MYOF: variants seen among roughly 807,000 people sequenced by gnomAD.
MYOF encodes the protein fer-1-like 3, myoferlin.
In MYOF, 244 loss-of-function variants were observed where a neutral mutation model predicts 284.2. The observed-to-expected ratio is 0.86, with a 90% CI of 0.77 to 0.95. MYOF has a LOEUF of 0.95. Among genes scored for constraint, MYOF ranks in the 40% least tolerant of loss-of-function variants. The pLI is 0.00. For synonymous variants in MYOF, 904 were observed against 919.7 expected, an observed-to-expected ratio of 0.98 and a Z score of 0.31; for missense variants, 2,496 against 2,560.6, an observed-to-expected ratio of 0.97 and a Z score of 0.54.
At chr10:93,363,055 G>A (rs1305498574) in intron 27 of MYOF, among the ~76,000 whole-genome samples, 5 of 152,122 alleles carry the variant, frequency 3.3e-5, no homozygotes, top group Non-Finnish European at 7.4e-5. Flanking sequence ...AGAAAGAGGG[G>A]ATTAAATGAA....
chr10:93,418,687 A>C (rs377020272), intron 5 of MYOF, among the ~76,000 whole-genome samples: 6 of 152,248 alleles, frequency 3.9e-5, no homozygotes, highest in African/African-American at 1.4e-4. Flanking sequence ...ATCTGCCTGC[A>C]TCAGGCTCTC....
chr10:93,310,715 T>G, intron 51 of MYOF, 72 bp from the exon 52 acceptor site: 1 of 1,362,696 alleles, frequency 7.3e-7, no homozygotes, highest in Non-Finnish European at 1.0e-6. Flanking sequence ...ACCCAAGGAG[T>G]ATTCCCCGAG....
intron 3 of MYOF, among the ~76,000 whole-genome samples, chr10:93,451,138 A>C (rs1470732193): frequency 1.3e-5 from 2 of 152,092 alleles, no homozygotes; most frequent in Admixed American, 1.3e-4. Flanking sequence ...TAAGGAGTTC[A>C]AGACCAGCCT....
At chr10:93,337,549 G>A (rs1442681388) in intron 40 of MYOF, 2 of 408,202 alleles carry the variant, frequency 4.9e-6, no homozygotes, top group African/African-American at 4.1e-5. Flanking sequence ...TTAGTGTGGT[G>A]CCAGCCCATT....
intron 17 of MYOF, among the ~76,000 whole-genome samples, chr10:93,391,288 C>T (rs1846663604): frequency 6.6e-6 from 1 of 152,162 alleles, no homozygotes; most frequent in South Asian, 2.1e-4. Flanking sequence ...AGTATAGTCT[C>T]CTGGGATAAC....
chr10:93,356,974 G>A, intron 29 of MYOF, 126 bp from the exon 30 acceptor site: 1 of 997,046 alleles, frequency 1.0e-6, no homozygotes. Context: ...GCCAAGTACT[G>A]AGCTAGAGTC....
At position 93,404,089 on chromosome 10, in the gene MYOF, G is replaced by A. The variant is rs774470091; in HGVS notation, c.793-16C>T. 5 of 1,614,034 alleles carry A rather than the reference G, an allele frequency of 3.1e-6. No homozygotes were observed. Among genetic ancestry groups the A allele is most frequent in the Non-Finnish European group, 3.4e-6 (4 of 1,179,974 alleles). ...AATTATAAACCTGGAAGAAAGAAGAGTAGTGAAGAAATGATTGGCTTTGCC... is the reference window on the plus strand; with the variant it reads ...AATTATAAACCTGGAAGAAAGAAGAATAGTGAAGAAATGATTGGCTTTGCC... On this transcript the variant is annotated splice_polypyrimidine_tract_variant and intron_variant, in intron 8 of 53. Coordinates refer to ENST00000359263, the MANE Select transcript of MYOF (RefSeq NM_013451.4).
chr10:93,415,219 C>A (rs887610822), intron 5 of MYOF, among the ~76,000 whole-genome samples: 3 of 152,064 alleles, frequency 2.0e-5, no homozygotes, highest in East Asian at 1.9e-4. Flanking sequence ...CACTGCATGC[C>A]CCTCGATCCC....
chr10:93,335,260 G>A (rs1249154816), intron 41 of MYOF, among the ~76,000 whole-genome samples: 3 of 152,138 alleles, frequency 2.0e-5, no homozygotes, highest in South Asian at 2.1e-4. Flanking sequence ...AGGTGTGTCC[G>A]GGGCTTGGGC....
At chr10:93,431,881 G>T (rs949764872) in intron 3 of MYOF, among the ~76,000 whole-genome samples, 1 of 151,722 alleles carries the variant, frequency 6.6e-6, no homozygotes, top group African/African-American at 2.4e-5. Flanking sequence ...AAATAGCTGG[G>T]ATTATAGGCA....
rs753463311 is a variant in MYOF at position 93,377,347 on chromosome 10, A to G, written c.2084T>C (p.Ile695Thr). 2.5e-6 allele frequency: 4 copies of G among 1,613,884 alleles called. No individual in the cohort carries two copies. The highest frequency in any genetic ancestry group is 3.4e-6 in the Non-Finnish European group (4 of 1,179,910). Residue 695 changes from isoleucine to threonine, a missense_variant, in exon 22 of 54, where the codon ATA becomes ACA. Coordinates refer to ENST00000359263, the MANE Select transcript of MYOF (RefSeq NM_013451.4). ...NQLAELWLKL[I>T]DEVIEDTRYT... ...CCTCGTGTCTTCTATAACTTCATCTATCAGCTTCAGCCACAATTCAGCCAG... is the reference window on the plus strand; with the variant it reads ...CCTCGTGTCTTCTATAACTTCATCTGTCAGCTTCAGCCACAATTCAGCCAG...
chr10:93,351,761 T>C lies in MYOF; in HGVS notation c.3567A>G (p.Thr1189=). 4 of 1,601,100 alleles carry C rather than the reference T, an allele frequency of 2.5e-6. No individual in the cohort carries two copies. Among genetic ancestry groups the C allele is most frequent in the Non-Finnish European group, 3.4e-6 (4 of 1,177,042 alleles). Residue 1189 remains threonine (T), a synonymous_variant, in exon 33 of 54, where the codon ACA becomes ACG. Coordinates refer to ENST00000359263, the MANE Select transcript of MYOF (RefSeq NM_013451.4). ...HSTLNPTWDQ[T]IIFDEVEIYG... is the part of the protein sequence containing the mutation. The stretch of plus-strand genomic sequence containing the variant: ...AGATTTCAACTTCATCGAATATAAT[T>C]GTTTGGTCCCACGTGGGATTCAGGG...
intron 2 of MYOF, among the ~76,000 whole-genome samples, chr10:93,454,986 TTA>T (rs370273717): frequency 0.16 from 13,721 of 84,396 alleles, 2,487 homozygotes; most frequent in East Asian, 0.67. Flanking sequence ...CTTTTTTTAA[TTA>T]AAAAAAAAAA....
At chr10:93,391,800 CT>C (rs1846700019) in intron 17 of MYOF, among the ~76,000 whole-genome samples, 1 of 152,198 alleles carries the variant, frequency 6.6e-6, no homozygotes, top group Non-Finnish European at 1.5e-5. Context: ...CTACAACCCA[CT>C]TTCCAACAAT....
At chr10:93,379,495 A>G (rs1846012934) in intron 21 of MYOF, among the ~76,000 whole-genome samples, 1 of 152,198 alleles carries the variant, frequency 6.6e-6, no homozygotes, top group African/African-American at 2.4e-5. Flanking sequence ...GAAAGTGAGT[A>G]GAAATTAAGA....
intron 2 of MYOF, among the ~76,000 whole-genome samples, chr10:93,454,230 TG>T (rs2056676560): frequency 6.6e-6 from 1 of 151,738 alleles, no homozygotes; most frequent in Non-Finnish European, 1.5e-5. Flanking sequence ...GCAATCCCAG[TG>T]GGTTTGGGGT....
intron 3 of MYOF, among the ~76,000 whole-genome samples, chr10:93,434,792 T>C (rs1289838198): frequency 6.6e-6 from 1 of 152,194 alleles, no homozygotes; most frequent in Non-Finnish European, 1.5e-5. Flanking sequence ...GTATGTTTTT[T>C]AGGCTTTTTT....
In MYOF at chr10:93,373,002, C is replaced by T. The variant is rs2133970600; in HGVS notation, c.2385G>A (p.Gln795=). The T allele has an allele frequency of 6.2e-7, 1 of 1,614,168 alleles. No individual in the cohort carries two copies. The highest frequency in any genetic ancestry group is 8.5e-7 in the Non-Finnish European group (1 of 1,180,018). ...RLAYARIPAH[Q]VLYSTSGENA... ...TCTCACCACTGGTGGAGTACAAGAC[C>T]TGATGTGCGGGAATTCGTGCATAGG... Residue 795 remains glutamine (Q), a synonymous_variant, in exon 24 of 54, where the codon CAG becomes CAA. Transcript: ENST00000359263.
At chr10:93,334,521 G>A (rs1469243769) in intron 41 of MYOF, among the ~76,000 whole-genome samples, 1 of 152,118 alleles carries the variant, frequency 6.6e-6, no homozygotes, top group African/African-American at 2.4e-5. Flanking sequence ...TCTAGAGACG[G>A]GTGAGGGGAG....
Sources: gnomAD v4.1 joint callset for allele counts (sites outside exome capture counted in the v4.1 genomes callset) on GRCh38, gnomAD v4.1.1 for gene constraint, MANE v1.5 for transcripts, NCBI Gene and HGNC (gene_info 2026-07-23, HGNC 2026-07-21) for gene names.